Variants in OLFM3 observed in about 807,000 individuals in gnomAD.
OLFM3 encodes the protein noelin-3.
A neutral mutation model predicts 48.6 loss-of-function variants in OLFM3; 20 were observed. The observed-to-expected ratio is 0.41, with a 90% confidence interval of 0.29 to 0.60. OLFM3 has a LOEUF of 0.60. OLFM3 is among the 20% of genes least tolerant of loss of function. The probability of loss-of-function intolerance (pLI) is 0.28; values close to 1 mark genes in which losing one functional copy is unlikely to be tolerated. For missense variants in OLFM3, 437 were observed against 544.3 expected (o/e 0.80, Z 1.96); for synonymous variants, 222 against 198.1 (o/e 1.12, Z -1.01).
chr1:101,927,394 T>C (rs1465352172), intron 1 of OLFM3, among the ~76,000 whole-genome samples: 1 of 152,062 alleles, frequency 6.6e-6, no homozygotes, highest in Non-Finnish European at 1.5e-5. Context: ...GGAGGAAGAC[T>C]TGTCACATCA....
intron 4 of OLFM3, chr1:101,813,002 A>C (rs1557683891): frequency 9.1e-7 from 1 of 1,103,754 alleles, no homozygotes; most frequent in Non-Finnish European, 1.1e-6. Context: ...CTGTGAACTT[A>C]TTTTGTACCA....
intron 1 of OLFM3, among the ~76,000 whole-genome samples, chr1:101,904,518 T>C (rs1658492543): frequency 6.6e-6 from 1 of 152,094 alleles, no homozygotes; most frequent in Non-Finnish European, 1.5e-5. Context: ...TTTAAGTAAC[T>C]TGGAGTATAT....
intron 1 of OLFM3, among the ~76,000 whole-genome samples, chr1:101,909,547 A>G (rs1658677929): frequency 6.6e-6 from 1 of 152,214 alleles, no homozygotes; most frequent in Non-Finnish European, 1.5e-5. Context: ...TTTGTTAGCA[A>G]CAATATGCAA....
At chr1:101,986,635 A>C (rs1017369041) in intron 1 of OLFM3, among the ~76,000 whole-genome samples, 5 of 152,338 alleles carry the variant, frequency 3.3e-5, no homozygotes, top group Non-Finnish European at 7.3e-5. Flanking sequence ...TTATGTACAA[A>C]TAGACAAAAT....
chr1:101,870,136 G>A (rs1657019456), intron 1 of OLFM3, among the ~76,000 whole-genome samples: 1 of 152,074 alleles, frequency 6.6e-6, no homozygotes, highest in East Asian at 1.9e-4. Flanking sequence ...TAGATAGCAT[G>A]TAGTTGATGG....
At chr1:101,926,324 A>T (rs769020487) in intron 1 of OLFM3, among the ~76,000 whole-genome samples, 3 of 152,194 alleles carry the variant, frequency 2.0e-5, no homozygotes, top group Admixed American at 6.6e-5. Context: ...TCTATATCAC[A>T]GGCAAAATCA....
At chr1:101,949,472 C>T (rs1660054556) in intron 1 of OLFM3, among the ~76,000 whole-genome samples, 1 of 152,298 alleles carries the variant, frequency 6.6e-6, no homozygotes, top group South Asian at 2.1e-4. Context: ...CTCTCAAAAT[C>T]AGAGCCACCC....
intron 3 of OLFM3, 86 bp downstream of exon 3, chr1:101,830,586 C>G: frequency 5.0e-6 from 7 of 1,406,052 alleles, no homozygotes; most frequent in Non-Finnish European, 7.0e-6. Flanking sequence ...GGCCAATGCA[C>G]ATTCATTTCT....
At chr1:101,922,912 C>A (rs1052015261) in intron 1 of OLFM3, among the ~76,000 whole-genome samples, 2 of 152,170 alleles carry the variant, frequency 1.3e-5, no homozygotes, top group African/African-American at 2.4e-5. Context: ...CTGTACTAAG[C>A]AGCTGACATC....
intron 1 of OLFM3, among the ~76,000 whole-genome samples, chr1:101,919,117 A>C (rs546953648): frequency 6.6e-6 from 1 of 152,332 alleles, no homozygotes; most frequent in Non-Finnish European, 1.5e-5. Flanking sequence ...ACAACTGGAC[A>C]GTAGAACTTA....
chr1:101,970,652 A>G (rs1050176812), intron 1 of OLFM3, among the ~76,000 whole-genome samples: 1 of 152,162 alleles, frequency 6.6e-6, no homozygotes, highest in Non-Finnish European at 1.5e-5. Flanking sequence ...CTCACCTTCT[A>G]CTGGGGAGAC....
chr1:101,944,543 A>G (rs534803731), intron 1 of OLFM3, among the ~76,000 whole-genome samples: 8 of 152,270 alleles, frequency 5.3e-5, no homozygotes, highest in African/African-American at 1.4e-4. Context: ...GCACCTGCCC[A>G]TCTTCCTTCA....
chr1:101,916,068 T>G (rs1658914749), intron 1 of OLFM3, among the ~76,000 whole-genome samples: 2 of 152,276 alleles, frequency 1.3e-5, no homozygotes, highest in Admixed American at 1.3e-4. Context: ...AAACTGTGAC[T>G]TACAGATCAG....
At chr1:101,851,460 G>A (rs1656218336) in intron 1 of OLFM3, among the ~76,000 whole-genome samples, 1 of 152,108 alleles carries the variant, frequency 6.6e-6, no homozygotes, top group South Asian at 2.1e-4. Context: ...CCAGCTGAAG[G>A]AACAATCAGG....
At chr1:101,994,283 T>A (rs1308952796) in intron 1 of OLFM3, among the ~76,000 whole-genome samples, 1 of 151,022 alleles carries the variant, frequency 6.6e-6, no homozygotes, top group African/African-American at 2.4e-5. Flanking sequence ...ATGACCCATA[T>A]CACTCCAAAT....
intron 1 of OLFM3, among the ~76,000 whole-genome samples, chr1:101,930,019 T>C (rs1659398703): frequency 6.6e-6 from 1 of 152,044 alleles, no homozygotes; most frequent in Admixed American, 6.6e-5. Context: ...ATATGATAGA[T>C]GAAAGAGAAT....
chr1:101,968,203 C>G (rs907505562), intron 1 of OLFM3, among the ~76,000 whole-genome samples: 4 of 152,136 alleles, frequency 2.6e-5, no homozygotes, highest in South Asian at 2.1e-4. Flanking sequence ...TCTCCTAATC[C>G]TATGAGTTCA....
chr1:101,898,754 C>T (rs1658290292), intron 1 of OLFM3, among the ~76,000 whole-genome samples: 1 of 152,054 alleles, frequency 6.6e-6, no homozygotes, highest in Admixed American at 6.6e-5. Context: ...GAGGCTGAGG[C>T]ATGAGAATCA....
intron 4 of OLFM3, among the ~76,000 whole-genome samples, chr1:101,823,895 A>G (rs562635249): frequency 6.6e-6 from 1 of 152,112 alleles, no homozygotes; most frequent in African/African-American, 2.4e-5. Flanking sequence ...AAATCCTGGT[A>G]TGATGACAGT....
Sources: gnomAD v4.1 joint callset for allele counts (sites outside exome capture counted in the v4.1 genomes callset) on GRCh38, gnomAD v4.1.1 for gene constraint, MANE v1.5 for transcripts, NCBI Gene and HGNC (gene_info 2026-07-23, HGNC 2026-07-21) for gene names.